The following MAP2 variants were observed in gnomAD, a reference collection of about 807,000 sequenced individuals.
MAP2 encodes the protein microtubule-associated protein 2.
Under a neutral mutation model 137.6 loss-of-function variants are expected in MAP2, and 14 were observed. The observed-to-expected ratio is 0.10, with a 90% CI of 0.07 to 0.16. The LOEUF (loss-of-function observed/expected upper bound fraction) is 0.16, where lower values mean the gene tolerates loss of function less well. MAP2 is among the 10% of genes least tolerant of loss of function. The probability of loss-of-function intolerance (pLI) is 1.00; values close to 1 mark genes in which losing one functional copy is unlikely to be tolerated. For missense variants in MAP2, 2,088 were observed against 2,191.5 expected, an observed-to-expected ratio of 0.95 and a Z score of 0.94; for synonymous variants, 786 against 782.3, an observed-to-expected ratio of 1.00 and a Z score of -0.08.
chr2:209,568,711 A>T (rs371458863), intron 2 of MAP2, among the ~76,000 whole-genome samples: 3 of 152,064 alleles, frequency 2.0e-5, no homozygotes, highest in East Asian at 3.9e-4. Context: ...ATTTGATTTC[A>T]GTCTTTCATG....
chr2:209,729,210 C>T (rs114076294), intron 14 of MAP2, among the ~76,000 whole-genome samples: 1 of 152,122 alleles, frequency 6.6e-6, no homozygotes, highest in Admixed American at 6.5e-5. Context: ...TCAAGGTCAG[C>T]GTCATATTGG....
chr2:209,484,880 C>T (rs1357421178), intron 1 of MAP2, among the ~76,000 whole-genome samples: 1 of 152,098 alleles, frequency 6.6e-6, no homozygotes, highest in Non-Finnish European at 1.5e-5. Flanking sequence ...CAACTATTAG[C>T]CATAGTGAAA....
rs1311986429 is a variant in MAP2 at position 209,492,481 on chromosome 2, G to A, written c.-221-15111G>A. Among the ~76,000 whole-genome samples the A allele has an allele frequency of 2.0e-5, 3 of 152,152 alleles. No homozygotes were observed. In the East Asian group the frequency reaches 5.8e-4, roughly 29 times the overall value. ...AAAGAAATAAAGGGTATTCACTTAA[G>A]AATAGAGGAAGTCAAATTATCTCTG... On this transcript the variant is annotated intron_variant, in intron 1 of 15. Transcript: ENST00000682079.
intron 13 of MAP2, among the ~76,000 whole-genome samples, chr2:209,711,584 C>T (rs998470388): frequency 7.9e-5 from 12 of 152,042 alleles, no homozygotes; most frequent in Non-Finnish European, 1.5e-4. Context: ...CATTTTTAAG[C>T]AAAAAGTAGA....
Position 209,695,975 on chromosome 2 carries a change from T to C in MAP2, c.3805T>C (p.Phe1269Leu), listed in dbSNP as rs777813430. 2 of 1,614,068 alleles carry C rather than the reference T, an allele frequency of 1.2e-6. No individual in the cohort carries two copies. The highest frequency in any genetic ancestry group is 2.2e-5 in the East Asian group (1 of 44,866). Reference sequence around the variant, plus strand: ...GGGTGTCTCAGGTGCCAGGGAGGAATTTGTGGAGACCTGCCCAAGTGAACA... The same window carrying C: ...GGGTGTCTCAGGTGCCAGGGAGGAACTTGTGGAGACCTGCCCAAGTGAACA... ...DLGVSGAREE[F>L]VETCPSEHKG... The change falls in exon 8 of 16, where the codon TTT (phenylalanine) becomes CTT (leucine). Residue 1269 changes from phenylalanine to leucine, a missense_variant. By Grantham distance (22) the Phe-to-Leu change is conservative. Around this residue, in one of 6 missense-constraint regions of MAP2, gnomAD observed 591 missense variants for 642.6 expected, o/e 0.92. Coordinates refer to ENST00000682079, the MANE Select transcript of MAP2 (RefSeq NM_001375505.1).
At position 209,637,317 on chromosome 2, in the gene MAP2, C is replaced by T. The variant is rs183005380; in HGVS notation, c.-30+12188C>T. Among the ~76,000 whole-genome samples, 29 of 152,106 alleles carry T rather than the reference C, an allele frequency of 1.9e-4. No individual in the cohort carries two copies. In the East Asian group the frequency reaches 5.6e-3, roughly 29 times the overall value. On this transcript the variant is annotated intron_variant, in intron 4 of 15. Coordinates refer to ENST00000682079, the MANE Select transcript of MAP2 (RefSeq NM_001375505.1). ...AATTAGCTGGGCGTGGTGGCAGGCA[C>T]CTGTAATACCAGCTACTTGGGAGGC...
intron 1 of MAP2, among the ~76,000 whole-genome samples, chr2:209,447,574 A>G (rs1699366862): frequency 6.6e-6 from 1 of 152,096 alleles, no homozygotes. Context: ...CATTTTGTTT[A>G]GAGGATCTTA....
At chr2:209,527,286 C>T (rs979705688) in intron 2 of MAP2, among the ~76,000 whole-genome samples, 6 of 152,006 alleles carry the variant, frequency 3.9e-5, no homozygotes, top group Non-Finnish European at 8.8e-5. Context: ...TTTTTTTGTA[C>T]AATTAATTAT....
intron 12 of MAP2, among the ~76,000 whole-genome samples, chr2:209,706,222 ATTATC>A (rs918424228): frequency 1.3e-5 from 2 of 152,144 alleles, no homozygotes; most frequent in African/African-American, 4.8e-5. Flanking sequence ...ATAGGTTCAA[ATTATC>A]TTGATTGATG....
Position 209,455,034 on chromosome 2 carries a change from T to C in MAP2, c.-222+30758T>C, listed in dbSNP as rs540125827. On this transcript the variant is annotated intron_variant, in intron 1 of 15. Coordinates refer to ENST00000682079, the MANE Select transcript of MAP2 (RefSeq NM_001375505.1). ...TGGTGGAGAAAGGGGGAAAGCAAGC[T>C]CTCTCGTCTCTTCTTATGAGGGCAC... Among the ~76,000 whole-genome samples, 13 of 152,256 alleles carry C rather than the reference T, an allele frequency of 8.5e-5. No individual in the cohort carries two copies. The East Asian group carries it at 2.5e-3, about 29-fold the overall frequency.
At chr2:209,642,219 A>C (rs1450546448) in intron 4 of MAP2, among the ~76,000 whole-genome samples, 1 of 151,910 alleles carries the variant, frequency 6.6e-6, no homozygotes, top group Non-Finnish European at 1.5e-5. Context: ...GAGGCAGAGG[A>C]ATTGCTTGAG....
At chr2:209,572,623 A>G (rs1344790797) in intron 2 of MAP2, among the ~76,000 whole-genome samples, 1 of 152,100 alleles carries the variant, frequency 6.6e-6, no homozygotes, top group Non-Finnish European at 1.5e-5. Context: ...CCATTTTTTA[A>G]TCATAACAAA....
chr2:209,537,107 G>T (rs1157510238), intron 2 of MAP2, among the ~76,000 whole-genome samples: 1 of 151,982 alleles, frequency 6.6e-6, no homozygotes, highest in African/African-American at 2.4e-5. Context: ...GAAGGTCTGT[G>T]GCACACTTAT....
At chr2:209,459,700 G>A (rs1702311005) in intron 1 of MAP2, among the ~76,000 whole-genome samples, 1 of 152,168 alleles carries the variant, frequency 6.6e-6, no homozygotes, top group Non-Finnish European at 1.5e-5. Flanking sequence ...TCACATCACT[G>A]AGGTTCATTG....
At chr2:209,429,126 T>C (rs1693503306) in intron 1 of MAP2, among the ~76,000 whole-genome samples, 1 of 151,916 alleles carries the variant, frequency 6.6e-6, no homozygotes, top group African/African-American at 2.4e-5. Flanking sequence ...GCTAATTTTT[T>C]GTATTTTTAG....
intron 3 of MAP2, among the ~76,000 whole-genome samples, chr2:209,613,069 C>T (rs896486721): frequency 9.9e-5 from 15 of 152,040 alleles, no homozygotes; most frequent in East Asian, 1.9e-4. Flanking sequence ...CTCTTACCCC[C>T]GCCGTGCGCA....
At position 209,436,172 on chromosome 2, in the gene MAP2, A is replaced by G. The variant is rs559395047; in HGVS notation, c.-222+11896A>G. ...AGTAAACAGTTTTTGAAAATCAGTT[A>G]TATGTGTGTATATGTATGTTAACAA... On this transcript the variant is annotated intron_variant, in intron 1 of 15. Coordinates refer to ENST00000682079, the MANE Select transcript of MAP2 (RefSeq NM_001375505.1). Among the ~76,000 whole-genome samples, 15 of 151,070 alleles carry G rather than the reference A, an allele frequency of 9.9e-5. No homozygotes were observed. The South Asian group carries it at 3.1e-3, about 31-fold the overall frequency.
intron 10 of MAP2, among the ~76,000 whole-genome samples, chr2:209,697,478 T>C (rs1440642369): frequency 6.6e-6 from 1 of 152,180 alleles, no homozygotes; most frequent in East Asian, 1.9e-4. Context: ...CTGATGTTGA[T>C]GAATTTATTG....
intron 6 of MAP2, among the ~76,000 whole-genome samples, chr2:209,679,583 G>T (rs1465442266): frequency 2.0e-5 from 3 of 151,976 alleles, no homozygotes; most frequent in African/African-American, 7.2e-5. Flanking sequence ...ATATATCCAT[G>T]ATATTTGATT....
Sources: gnomAD v4.1 joint callset for allele counts (sites outside exome capture counted in the v4.1 genomes callset) on GRCh38, gnomAD v4.1.1 for gene constraint, gnomAD v4.1.1 regional missense constraint, MANE v1.5 for transcripts, NCBI Gene and HGNC (gene_info 2026-07-23, HGNC 2026-07-21) for gene names.